The following POT1 variants were observed in gnomAD, a reference collection of about 807,000 sequenced individuals.
POT1 encodes protection of telomeres protein 1.
POT1 carries 47 observed loss-of-function variants against 78.5 expected under a neutral mutation model. That is an observed-to-expected ratio of 0.60 (90% CI 0.47 to 0.76). The LOEUF (loss-of-function observed/expected upper bound fraction) is 0.76. Among genes scored for constraint, POT1 ranks in the 30% least tolerant of loss-of-function variants. The probability of loss-of-function intolerance (pLI) is 0.00; values close to 1 mark genes in which losing one functional copy is unlikely to be tolerated. For synonymous variants in POT1, 259 were observed against 260.7 expected, an observed-to-expected ratio of 0.99 and a Z score of 0.06; for missense variants, 646 against 749.9, an observed-to-expected ratio of 0.86 and a Z score of 1.62.
chr7:124,901,008 A>ACTGGGTGGAGCCCACTGCAGCTCAAGGAG (rs1325944300), intron 3 of POT1, among the ~76,000 whole-genome samples: 1 of 152,092 alleles, frequency 6.6e-6, no homozygotes, highest in Non-Finnish European at 1.5e-5. Flanking sequence ...GGAAGCTTGA[A>ACTGGGTGGAGCCCACTGCAGCTCAAGGAG]CTGGGTGGAG....
intron 6 of POT1, among the ~76,000 whole-genome samples, chr7:124,876,173 A>G (rs1440313942): frequency 6.6e-6 from 1 of 152,246 alleles, no homozygotes; most frequent in Non-Finnish European, 1.5e-5. Flanking sequence ...GTAATAAGCT[A>G]GAACCATTTG....
At chr7:124,854,935 T>G (rs1262508800) in intron 9 of POT1, among the ~76,000 whole-genome samples, 2 of 151,650 alleles carry the variant, frequency 1.3e-5, no homozygotes, top group African/African-American at 4.8e-5. Flanking sequence ...AAAGAAGGCC[T>G]AAACACATGG....
chr7:124,905,244 C>T (rs1796734511), intron 3 of POT1, among the ~76,000 whole-genome samples: 1 of 152,168 alleles, frequency 6.6e-6, no homozygotes, highest in South Asian at 2.1e-4. Flanking sequence ...TACAGGGCTA[C>T]AGTAACCAAA....
Position 124,921,545 on chromosome 7 carries a change from T to C in POT1, c.-226-5899A>G, listed in dbSNP as rs372897973. ...GTAACAAACGTCTATACGAAGAATATAGACAAGCAAAACTGAAATGTAGAT... is the reference window on the plus strand; with the variant it reads ...GTAACAAACGTCTATACGAAGAATACAGACAAGCAAAACTGAAATGTAGAT... On this transcript the variant is annotated intron_variant, in intron 2 of 18. Transcript: ENST00000357628. Among the ~76,000 whole-genome samples the C allele has an allele frequency of 5.9e-5, 9 of 151,896 alleles. No homozygotes were observed. The East Asian group carries it at 1.4e-3, about 23-fold the overall frequency.
intron 18 of POT1, 129 bp from the exon 19 acceptor site, chr7:124,824,203 G>A (rs999509734): frequency 3.1e-5 from 18 of 573,542 alleles, no homozygotes; most frequent in East Asian, 6.1e-5. Context: ...GTAAGTAAAC[G>A]TCCCTTCCAA....
chr7:124,865,283 G>A (rs770298770), intron 7 of POT1, among the ~76,000 whole-genome samples: 8 of 151,866 alleles, frequency 5.3e-5, no homozygotes, highest in Non-Finnish European at 1.0e-4. Flanking sequence ...CTGGATGTGC[G>A]TTTCTTTGCA....
chr7:124,924,825 T>C (rs1242724733), intron 2 of POT1, among the ~76,000 whole-genome samples: 2 of 152,028 alleles, frequency 1.3e-5, no homozygotes, highest in Non-Finnish European at 2.9e-5. Context: ...AATCAGTAAG[T>C]GTTATACATC....
chr7:124,926,692 C>T (rs1440905666), intron 2 of POT1, among the ~76,000 whole-genome samples: 1 of 152,068 alleles, frequency 6.6e-6, no homozygotes. Context: ...AAGTGTACAT[C>T]GATGGAGGAC....
At chr7:124,844,446 G>A (rs1795111273) in intron 12 of POT1, among the ~76,000 whole-genome samples, 1 of 147,552 alleles carries the variant, frequency 6.8e-6, no homozygotes, top group African/African-American at 2.5e-5. Flanking sequence ...CTTTTAAAAA[G>A]GCCATTGGCA....
At chr7:124,884,201 T>C (rs1182843015) in intron 6 of POT1, among the ~76,000 whole-genome samples, 2 of 152,054 alleles carry the variant, frequency 1.3e-5, no homozygotes, top group African/African-American at 4.8e-5. Context: ...AAAAACAGCA[T>C]TCTAGAGTTA....
At chr7:124,886,989 T>C (rs929252068) in intron 6 of POT1, among the ~76,000 whole-genome samples, 6 of 152,110 alleles carry the variant, frequency 3.9e-5, no homozygotes, top group Admixed American at 2.6e-4. Flanking sequence ...TTAGCAACAA[T>C]GTAGCTTATT....
chr7:124,842,846 A>G lies in POT1; in HGVS notation c.1124T>C (p.Phe375Ser). 4 of 1,603,166 alleles carry G rather than the reference A, an allele frequency of 2.5e-6. No individual in the cohort carries two copies. Among genetic ancestry groups the G allele is most frequent in the East Asian group, 2.2e-5 (1 of 44,732 alleles). ...KLRSYKPRRL[F>S]QSVKLHCPKC... Reference sequence around the variant, plus strand: ...AGGGCAATGAAGTTTAACAGACTGAAATAGTCTTCTGGGCTTATATGACCT... The same window carrying G: ...AGGGCAATGAAGTTTAACAGACTGAGATAGTCTTCTGGGCTTATATGACCT... Residue 375 changes from phenylalanine (F) to serine (S), a missense_variant, in exon 13 of 19, where the codon TTT becomes TCT. This residue lies in a region of POT1 where 394 missense variants were observed against 408.4 expected (regional missense o/e 0.96). Coordinates refer to ENST00000357628, the MANE Select transcript of POT1 (RefSeq NM_015450.3).
chr7:124,872,720 A>G (rs985673820), intron 6 of POT1, among the ~76,000 whole-genome samples: 29 of 152,186 alleles, frequency 1.9e-4, no homozygotes, highest in African/African-American at 7.0e-4. Flanking sequence ...CCCTTTGGAC[A>G]AAGGAAAAGT....
intron 9 of POT1, among the ~76,000 whole-genome samples, chr7:124,858,443 G>A (rs1795500055): frequency 6.6e-6 from 1 of 151,852 alleles, no homozygotes; most frequent in Admixed American, 6.6e-5. Flanking sequence ...TATTTCAGAA[G>A]ACAGTATGCA....
intron 6 of POT1, among the ~76,000 whole-genome samples, chr7:124,873,460 T>C (rs1486514219): frequency 3.3e-5 from 5 of 152,216 alleles, no homozygotes; most frequent in Non-Finnish European, 1.5e-5. Flanking sequence ...TACTTGATCA[T>C]GGTGAATAGT....
chr7:124,831,057 G>A (rs1794747469), intron 15 of POT1, among the ~76,000 whole-genome samples: 1 of 152,148 alleles, frequency 6.6e-6, no homozygotes, highest in Admixed American at 6.5e-5. Flanking sequence ...CACGGGGGCT[G>A]CTTAAACACA....
chr7:124,902,545 C>T (rs183196451), intron 3 of POT1, among the ~76,000 whole-genome samples: 115 of 152,270 alleles, frequency 7.6e-4, no homozygotes, highest in Admixed American at 7.1e-3. Context: ...TGGAAAGGAA[C>T]AATTGGTACC....
At chr7:124,846,552 T>C (rs1415942094) in intron 12 of POT1, among the ~76,000 whole-genome samples, 1 of 152,120 alleles carries the variant, frequency 6.6e-6, no homozygotes, top group Non-Finnish European at 1.5e-5. Flanking sequence ...TATGGTACAC[T>C]GTTAAATGCA....
At chr7:124,828,291 A>C (rs925706009) in intron 16 of POT1, among the ~76,000 whole-genome samples, 3 of 152,194 alleles carry the variant, frequency 2.0e-5, no homozygotes, top group Non-Finnish European at 2.9e-5. Context: ...CAAGAATGTC[A>C]GAATCTGAGA....
Sources: gnomAD v4.1 joint callset for allele counts (sites outside exome capture counted in the v4.1 genomes callset) on GRCh38, gnomAD v4.1.1 for gene constraint, gnomAD v4.1.1 regional missense constraint, MANE v1.5 for transcripts, NCBI Gene and HGNC (gene_info 2026-07-23, HGNC 2026-07-21) for gene names.